The following UBR2 variants were observed in gnomAD, a reference collection of about 807,000 sequenced individuals.
UBR2 encodes E3 ubiquitin-protein ligase UBR2.
A neutral mutation model predicts 247.9 loss-of-function variants in UBR2; 92 were observed. The observed-to-expected ratio is 0.37, with a 90% CI of 0.31 to 0.44. The LOEUF (loss-of-function observed/expected upper bound fraction) is 0.44, where lower values mean the gene tolerates loss of function less well. Ranked by LOEUF, UBR2 falls within the 20% of genes least tolerant of loss-of-function variation. The pLI is 1.00. For missense variants in UBR2, 1,613 were observed against 2,112.6 expected, an observed-to-expected ratio of 0.76 and a Z score of 4.64; for synonymous variants, 672 against 693.5, an observed-to-expected ratio of 0.97 and a Z score of 0.49.
At chr6:42,623,715 G>C (rs1214196937) in intron 11 of UBR2, among the ~76,000 whole-genome samples, 1 of 152,150 alleles carries the variant, frequency 6.6e-6, no homozygotes, top group African/African-American at 2.4e-5. Flanking sequence ...CTCCCCAAGT[G>C]CTGGGATTAC....
At chr6:42,602,577 A>C (rs1385645254) in intron 4 of UBR2, among the ~76,000 whole-genome samples, 4 of 151,750 alleles carry the variant, frequency 2.6e-5, no homozygotes, top group Admixed American at 1.3e-4. Context: ...TGGGTATGCA[A>C]AAATGTTCTG....
intron 1 of UBR2, among the ~76,000 whole-genome samples, chr6:42,573,148 A>G (rs1402199700): frequency 6.6e-6 from 1 of 151,894 alleles, no homozygotes; most frequent in Admixed American, 6.5e-5. Context: ...GAGCAAACGG[A>G]AAAGGCCTTA....
intron 27 of UBR2, 39 bp downstream of exon 27, chr6:42,658,172 T>C: frequency 1.2e-6 from 2 of 1,611,918 alleles, no homozygotes; most frequent in Non-Finnish European, 1.7e-6. Context: ...GTGAGAAATA[T>C]TGAATATTTG....
chr6:42,592,350 G>A (rs1485520258), intron 3 of UBR2, 121 bp downstream of exon 3: 3 of 705,434 alleles, frequency 4.3e-6, no homozygotes, highest in Admixed American at 3.7e-5. Context: ...TAAACAGTGT[G>A]TTTATTTAAA....
chr6:42,684,932 T>C, intron 44 of UBR2, 61 bp downstream of exon 44: 1 of 1,322,458 alleles, frequency 7.6e-7, no homozygotes, highest in Middle Eastern at 1.8e-4. Flanking sequence ...CTACAAAGAA[T>C]TTGAAGGATT....
chr6:42,682,726 T>C (rs1002700565), intron 42 of UBR2, among the ~76,000 whole-genome samples: 4 of 152,222 alleles, frequency 2.6e-5, no homozygotes, highest in Non-Finnish European at 5.9e-5. Context: ...AAAAGTTTTA[T>C]TTTTAATATG....
At chr6:42,629,675 T>A (rs1260492913) in intron 11 of UBR2, among the ~76,000 whole-genome samples, 2 of 151,886 alleles carry the variant, frequency 1.3e-5, no homozygotes, top group Non-Finnish European at 2.9e-5. Context: ...ATATATAATT[T>A]TTTAGGGTAA....
intron 7 of UBR2, among the ~76,000 whole-genome samples, chr6:42,609,895 CAAAAAA>C (rs111670532): frequency 3.1e-5 from 2 of 64,708 alleles, no homozygotes; most frequent in South Asian, 8.7e-4. Flanking sequence ...AACCCTGTTA[CAAAAAA>C]AAAAAAAGAA....
rs1582618443 is a variant in UBR2 at position 42,640,386 on chromosome 6, GTGTGTGTGTGTGTGTGTGT to G, written c.1920+117_1920+135del. The G allele has an allele frequency of 9.1e-4, 420 of 461,252 alleles. 12 individuals carry two copies. Among genetic ancestry groups the G allele is most frequent in the Middle Eastern group, 2.3e-3 (4 of 1,722 alleles). 28.6% of individuals were successfully genotyped at this position (461,252 alleles called of 1,614,324 possible). ...TCCAGAGGAACAGAACCAGTAAGGTGTGTGTGTGTGTGTGTGTGTGTGTGTGTGTGTGTGTGTGTGTGTG... is the reference window on the plus strand; with the variant it reads ...TCCAGAGGAACAGAACCAGTAAGGTGGTGTGTGTGTGTGTGTGTGTGTGTG... On this transcript the variant is annotated intron_variant, in intron 16 of 46. Transcript: ENST00000372901.
chr6:42,676,844 G>A lies in UBR2; in HGVS notation c.4449G>A (p.Leu1483=). 6.2e-7 allele frequency: 1 copy of A among 1,613,932 alleles called. No homozygotes were observed. The highest frequency in any genetic ancestry group is 8.5e-7 in the Non-Finnish European group (1 of 1,179,930). The change falls in exon 40 of 47, where the codon TTG becomes TTA. Residue 1483 remains leucine (L), a synonymous_variant. Coordinates refer to ENST00000372901, the MANE Select transcript of UBR2 (RefSeq NM_001363705.2). The part of the protein sequence containing the change: ...PCEEESAVLA[L]YKTLHQYTGS... ...AAGAAGAATCAGCAGTTCTTGCTTT[G>A]TATAAAACACTTCACCAGTATACGG...
At chr6:42,638,985 AGT>A (rs1667101539) in intron 15 of UBR2, among the ~76,000 whole-genome samples, 1 of 152,210 alleles carries the variant, frequency 6.6e-6, no homozygotes, top group Non-Finnish European at 1.5e-5. Flanking sequence ...AATATTTTTG[AGT>A]ATTCATTTCA....
At chr6:42,571,615 CACCTGTA>C (rs1226914243) in intron 1 of UBR2, among the ~76,000 whole-genome samples, 5 of 150,664 alleles carry the variant, frequency 3.3e-5, no homozygotes, top group Non-Finnish European at 7.4e-5. Context: ...TGGTGGTGCA[CACCTGTA>C]ACCCCAGCTA....
At chr6:42,596,990 A>T (rs1240580041) in intron 4 of UBR2, among the ~76,000 whole-genome samples, 1 of 152,156 alleles carries the variant, frequency 6.6e-6, no homozygotes, top group Non-Finnish European at 1.5e-5. Context: ...TGTAAATGTC[A>T]TGTCATTTAT....
chr6:42,686,414 A>G (rs1252514400), intron 44 of UBR2, among the ~76,000 whole-genome samples: 1 of 151,932 alleles, frequency 6.6e-6, no homozygotes, highest in Non-Finnish European at 1.5e-5. Context: ...ATAGATTAAC[A>G]GCATCCCAAG....
chr6:42,607,818 C>G (rs1046567765), intron 7 of UBR2, among the ~76,000 whole-genome samples: 1 of 149,124 alleles, frequency 6.7e-6, no homozygotes, highest in East Asian at 2.0e-4. Context: ...CATTCTTGTG[C>G]GTTCCTTTAT....
chr6:42,622,101 T>A (rs150952438), intron 11 of UBR2, among the ~76,000 whole-genome samples: 125 of 152,092 alleles, frequency 8.2e-4, no homozygotes, highest in African/African-American at 2.9e-3. Context: ...CTGCAACCTC[T>A]GCCTCCCAGG....
chr6:42,617,504 A>G lies in UBR2; in HGVS notation c.1278A>G (p.Ser426=), dbSNP rs771738259. 6.4e-7 allele frequency: 1 copy of G among 1,550,970 alleles called. No homozygotes were observed. Among genetic ancestry groups the G allele is most frequent in the Middle Eastern group, 1.7e-4 (1 of 5,988 alleles). ...CGGTTCAGATATTCACGGTTCCTTC[A>G]CTTGTAAGTACTGAAAGACTAGAAG... ...DLSVQIFTVP[S]LARMLITEEN... is the part of the protein sequence containing the mutation. The change falls in exon 11 of 47, where the codon TCA becomes TCG. Residue 426 remains serine (S), a synonymous_variant. Transcript: ENST00000372901.
intron 25 of UBR2, among the ~76,000 whole-genome samples, chr6:42,654,939 T>C (rs898684610): frequency 2.6e-5 from 4 of 152,198 alleles, no homozygotes; most frequent in African/African-American, 9.6e-5. Flanking sequence ...GATAATTACA[T>C]GGGGGATACG....
intron 12 of UBR2, 43 bp from the exon 13 acceptor site, chr6:42,632,762 C>T: frequency 6.3e-7 from 1 of 1,589,760 alleles, no homozygotes. Flanking sequence ...TATAGAAAGT[C>T]AATGTTTATG....
Sources: gnomAD v4.1 joint callset for allele counts (sites outside exome capture counted in the v4.1 genomes callset) on GRCh38, gnomAD v4.1.1 for gene constraint, MANE v1.5 for transcripts, NCBI Gene and HGNC (gene_info 2026-07-23, HGNC 2026-07-21) for gene names.